Variants in PTCHD4 observed in about 807,000 individuals in gnomAD.
PTCHD4 encodes patched domain-containing protein 4.
A neutral mutation model predicts 58.1 loss-of-function variants in PTCHD4; 33 were observed. The observed-to-expected ratio is 0.57, with a 90% CI of 0.43 to 0.76. The LOEUF (loss-of-function observed/expected upper bound fraction) is 0.76. Among genes scored for constraint, PTCHD4 ranks in the 30% least tolerant of loss-of-function variants. The probability of loss-of-function intolerance (pLI) is 0.00; values close to 1 mark genes in which losing one functional copy is unlikely to be tolerated. For missense variants in PTCHD4, 1,058 were observed against 1,027.1 expected (o/e 1.03, Z -0.41); for synonymous variants, 478 against 409.6 (o/e 1.17, Z -2.02).
At chr6:48,028,698 C>T (rs1763334811) in intron 3 of PTCHD4, among the ~76,000 whole-genome samples, 1 of 152,002 alleles carries the variant, frequency 6.6e-6, no homozygotes, top group Non-Finnish European at 1.5e-5. Flanking sequence ...ATTTCCCTTG[C>T]TTTGTGTCAA....
At chr6:47,950,585 G>A (rs1482834064) in intron 4 of PTCHD4, among the ~76,000 whole-genome samples, 1 of 152,056 alleles carries the variant, frequency 6.6e-6, no homozygotes, top group South Asian at 2.1e-4. Context: ...TTTCAATGAG[G>A]TTTTAAAAAA....
intron 4 of PTCHD4, among the ~76,000 whole-genome samples, chr6:47,937,242 C>T (rs140846809): frequency 1.3e-5 from 2 of 152,234 alleles, no homozygotes; most frequent in Admixed American, 6.5e-5. Flanking sequence ...TAAACTGTAA[C>T]AGGGCAAGAG....
chr6:47,981,807 T>C (rs1267369313), intron 4 of PTCHD4, among the ~76,000 whole-genome samples: 1 of 152,184 alleles, frequency 6.6e-6, no homozygotes, highest in Non-Finnish European at 1.5e-5. Flanking sequence ...ACAAATGGTT[T>C]GTGGAGACCC....
chr6:48,089,541 G>T (rs1765324964), intron 1 of PTCHD4, among the ~76,000 whole-genome samples: 1 of 152,136 alleles, frequency 6.6e-6, no homozygotes, highest in Non-Finnish European at 1.5e-5. Context: ...GACCAACAAT[G>T]AATCTTTTGA....
At chr6:47,925,594 G>A (rs1233507274) in intron 4 of PTCHD4, among the ~76,000 whole-genome samples, 1 of 152,190 alleles carries the variant, frequency 6.6e-6, no homozygotes, top group Non-Finnish European at 1.5e-5. Context: ...AAGAAGCACA[G>A]AAGCATCACA....
chr6:47,912,208 C>T (rs530793174), intron 4 of PTCHD4, among the ~76,000 whole-genome samples: 1 of 152,190 alleles, frequency 6.6e-6, no homozygotes, highest in African/African-American at 2.4e-5. Flanking sequence ...AAGGATAAAA[C>T]ATATCCTTCA....
intron 4 of PTCHD4, among the ~76,000 whole-genome samples, chr6:47,975,430 G>A (rs1455173050): frequency 6.6e-6 from 1 of 152,022 alleles, no homozygotes; most frequent in African/African-American, 2.4e-5. Context: ...TTAAGTTCCA[G>A]GATACATGTG....
rs145361945 is a variant in PTCHD4 at position 47,894,378 on chromosome 6, G to A, written c.899-14442C>T. On this transcript the variant is annotated intron_variant, in intron 4 of 4. Transcript: ENST00000339488. ...AGCAGGTGGGGAAGATAGCAACACG[G>A]CAGAGGGGTCTGGAGCACCAGCTCT... Among the ~76,000 whole-genome samples the A allele has an allele frequency of 4.0e-3, 607 of 152,320 alleles. 4 individuals are homozygous for A. The highest frequency in any genetic ancestry group is 0.014 in the African/African-American group (578 of 41,564).
Position 47,914,968 on chromosome 6 carries a change from C to G in PTCHD4, c.899-35032G>C, listed in dbSNP as rs527873216. On this transcript the variant is annotated intron_variant, in intron 4 of 4. Coordinates refer to ENST00000339488, the MANE Select transcript of PTCHD4 (RefSeq NM_001384253.1). The stretch of plus-strand genomic sequence containing the variant: ...TCTTTCTTCTCTCCTCTTTCATCAA[C>G]TTTTTCAAATTTCTCCAAAGCTACT... 1.2e-4 allele frequency among the ~76,000 whole-genome samples: 18 copies of G among 152,210 alleles called. 1 individual carries two copies. In the East Asian group the frequency reaches 3.5e-3, roughly 29 times the overall value.
Position 47,904,797 on chromosome 6 carries a change from C to T in PTCHD4, c.899-24861G>A, listed in dbSNP as rs151148030. On this transcript the variant is annotated intron_variant, in intron 4 of 4. Transcript: ENST00000339488. ...AAAGTTTAATGTGCTAGAGAGATAT[C>T]AAATACATAAACCTTTAGTAAGTAT... Among the ~76,000 whole-genome samples, 1,075 of 152,164 alleles carry T rather than the reference C, an allele frequency of 7.1e-3. 8 individuals are homozygous for T. The highest frequency in any genetic ancestry group is 0.025 in the African/African-American group (1,031 of 41,502).
intron 4 of PTCHD4, 77 bp downstream of exon 4, chr6:48,008,557 C>T (rs1032950316): frequency 6.8e-7 from 1 of 1,472,028 alleles, no homozygotes; most frequent in East Asian, 2.4e-5. Context: ...AAACAGATTT[C>T]CACCTGAGAA....
chr6:48,082,495 A>G lies in PTCHD4; in HGVS notation c.-969-12569T>C, dbSNP rs150969918. Among the ~76,000 whole-genome samples the G allele has an allele frequency of 4.3e-3, 656 of 152,266 alleles. 5 individuals carry two copies. The highest frequency in any genetic ancestry group is 0.015 in the African/African-American group (617 of 41,558). ...ACACACACACACAATGCATAATTCC[A>G]TATTTTTATACTTTTGTCAAAATAA... is the stretch of plus-strand genomic sequence containing the variant. On this transcript the variant is annotated intron_variant, in intron 1 of 4. Transcript: ENST00000339488.
At chr6:47,960,962 T>TAAAAAA (rs66754863) in intron 4 of PTCHD4, among the ~76,000 whole-genome samples, 1 of 119,902 alleles carries the variant, frequency 8.3e-6, no homozygotes, top group Non-Finnish European at 1.8e-5. Flanking sequence ...CTTTTTTTTT[T>TAAAAAA]AAAAAAAAAA....
At position 47,878,402 on chromosome 6, in the gene PTCHD4, T is replaced by C; in HGVS notation, c.2433A>G (p.Lys811=). 1 of 1,613,514 alleles carries C rather than the reference T, an allele frequency of 6.2e-7. No homozygotes were observed. Among genetic ancestry groups the C allele is most frequent in the Non-Finnish European group, 8.5e-7 (1 of 1,179,668 alleles). The change falls in exon 5 of 5, where the codon AAA becomes AAG. Residue 811 remains lysine, a synonymous_variant. Coordinates refer to ENST00000339488, the MANE Select transcript of PTCHD4 (RefSeq NM_001384253.1). ...CACGTTTCTTTTTCTTGTGGTGCTT[T>C]TTGGAAGGGGGGAAAAACGTTAGGA... ...PVFLTFFPPS[K]KHHKKKKRAK... is the part of the protein sequence containing the mutation.
At chr6:48,060,828 A>C (rs1195537300) in intron 3 of PTCHD4, among the ~76,000 whole-genome samples, 36 of 152,170 alleles carry the variant, frequency 2.4e-4, no homozygotes, top group Non-Finnish European at 2.9e-5. Flanking sequence ...AGGTCTCTCC[A>C]TGTTGGGAGG....
rs182315270 is a variant in PTCHD4, at chr6:47,860,468, T to C, written c.*17835A>G. 2.6e-5 allele frequency among the ~76,000 whole-genome samples: 4 copies of C among 152,144 alleles called. No homozygotes were observed. The highest frequency in any genetic ancestry group is 2.0e-4 in the Admixed American group (3 of 15,270). On this transcript the variant is annotated 3_prime_UTR_variant, in exon 5 of 5. Transcript: ENST00000339488. The stretch of plus-strand genomic sequence containing the variant: ...CACATGATCTGATTTTGTTTAGTAA[T>C]CTACATCATTGCTTATCCCAACTTA...
At chr6:47,935,191 C>T (rs541690320) in intron 4 of PTCHD4, among the ~76,000 whole-genome samples, 30 of 152,214 alleles carry the variant, frequency 2.0e-4, no homozygotes, top group Non-Finnish European at 4.0e-4. Context: ...TGCACACAAC[C>T]TTATACACTA....
chr6:48,091,604 T>TTTCC (rs1167738766), intron 1 of PTCHD4, among the ~76,000 whole-genome samples: 1 of 151,966 alleles, frequency 6.6e-6, no homozygotes, highest in African/African-American at 2.4e-5. Flanking sequence ...TTCTGTTTTC[T>TTTCC]TTCCTTCCTT....
At chr6:48,092,453 A>G (rs542911600) in intron 1 of PTCHD4, among the ~76,000 whole-genome samples, 1 of 152,346 alleles carries the variant, frequency 6.6e-6, no homozygotes, top group Non-Finnish European at 1.5e-5. Context: ...GAATATTAAG[A>G]TAATAAGCTG....
Sources: gnomAD v4.1 joint callset for allele counts (sites outside exome capture counted in the v4.1 genomes callset) on GRCh38, gnomAD v4.1.1 for gene constraint, MANE v1.5 for transcripts, NCBI Gene and HGNC (gene_info 2026-07-23, HGNC 2026-07-21) for gene names.